The following PCDHGA10 variants were observed in gnomAD, a reference collection of about 807,000 sequenced individuals.
PCDHGA10 encodes protocadherin gamma subfamily A, 10.
A neutral mutation model predicts 59.5 loss-of-function variants in PCDHGA10; 42 were observed. That is an observed-to-expected ratio of 0.71 (90% CI 0.55 to 0.91). PCDHGA10 has a LOEUF of 0.91. Among genes scored for constraint, PCDHGA10 ranks in the 40% least tolerant of loss-of-function variants. PCDHGA10 has a pLI of 0.00. For missense variants in PCDHGA10, 1,111 were observed against 1,198.2 expected (o/e 0.93, Z 1.07); for synonymous variants, 511 against 517.2 (o/e 0.99, Z 0.16).
chr5:141,454,228 T>C (rs6896225), intron 1 of PCDHGA10, among the ~76,000 whole-genome samples: 1,935 of 152,208 alleles, frequency 0.013, 54 homozygotes, highest in African/African-American at 0.044. Flanking sequence ...AAAGTAATTG[T>C]GATGAAAAGG....
At position 141,423,166 on chromosome 5, in the gene PCDHGA10, G is replaced by A. The variant is rs367805855; in HGVS notation, c.2436+7555G>A. ...GCTCAAGCAGAGCCTCGTGGTGGCC[G>A]TCCAGGACCACGGCCAGCCCCCTCT... On this transcript the variant is annotated intron_variant, in intron 1 of 3. Transcript: ENST00000398610. 2.4e-5 allele frequency: 38 copies of A among 1,613,476 alleles called. No individual in the cohort carries two copies. The South Asian group carries it at 2.5e-4, about 11-fold the overall frequency.
chr5:141,476,798 C>T lies in PCDHGA10; in HGVS notation c.2437-18009C>T. 3.1e-6 allele frequency: 5 copies of T among 1,613,660 alleles called. No homozygotes were observed. The highest frequency in any genetic ancestry group is 4.2e-6 in the Non-Finnish European group (5 of 1,180,028). ...AGGGACCCCAGCTCTCTCCGCCAGC[C>T]TGCCTATTCACATCAAGGTGCTGGA... On this transcript the variant is annotated intron_variant, in intron 1 of 3. Coordinates refer to ENST00000398610, the MANE Select transcript of PCDHGA10 (RefSeq NM_018913.3). This position sits in a 1 kb window ranked among gnomAD's most constrained non-coding sequence, Gnocchi z 7.6.
Position 141,486,674 on chromosome 5 carries a change from G to A in PCDHGA10, c.2437-8133G>A. On this transcript the variant is annotated intron_variant, in intron 1 of 3. Transcript: ENST00000398610. This position sits in a 1 kb window ranked among gnomAD's most constrained non-coding sequence, Gnocchi z 5.0. ...CTCACTCCTGGAGCCCAGGAATCGA[G>A]ATGTATCAGCTTCCTCTTTCATCTC... The A allele has an allele frequency of 1.9e-6, 3 of 1,614,080 alleles. No individual in the cohort carries two copies. Among genetic ancestry groups the A allele is most frequent in the Non-Finnish European group, 2.5e-6 (3 of 1,180,036 alleles).
At chr5:141,449,876 C>T (rs924666805) in intron 1 of PCDHGA10, among the ~76,000 whole-genome samples, 1 of 151,724 alleles carries the variant, frequency 6.6e-6, no homozygotes, top group African/African-American at 2.4e-5. Context: ...AATTTAACAT[C>T]AATGCAATAT....
In PCDHGA10 at chr5:141,413,351, C is replaced by A. The variant is rs774333807; in HGVS notation, c.176C>A (p.Ala59Glu). The change falls in exon 1 of 4, where the codon GCG becomes GAG. Residue 59 changes from alanine to glutamate, a missense_variant. By Grantham distance (107) the Ala-to-Glu change is moderately radical. Transcript: ENST00000398610. ...AACATCTCCAAGGACTTGGGTCTGG[C>A]GCCCCGGGAGCTGGCGGAGCGCGGA... ...VGNISKDLGL[A>E]PRELAERGVR... The A allele has an allele frequency of 3.7e-6, 6 of 1,613,932 alleles. No homozygotes were observed. Among genetic ancestry groups the A allele is most frequent in the South Asian group, 1.1e-5 (1 of 91,088 alleles).
chr5:141,423,026 G>T (rs1333695085), intron 1 of PCDHGA10: 1 of 1,614,210 alleles, frequency 6.2e-7, no homozygotes, highest in Admixed American at 1.7e-5. Context: ...AAAGATTCAG[G>T]CCAGAACGCC....
intron 2 of PCDHGA10, among the ~76,000 whole-genome samples, chr5:141,497,661 T>A (rs1485909952): frequency 3.3e-5 from 5 of 151,062 alleles, no homozygotes; most frequent in African/African-American, 4.9e-5. Context: ...TGCCTCAGCC[T>A]CCCGAGTAGC....
rs1178101439 is a variant in PCDHGA10, at chr5:141,443,790, T to C, written c.2436+28179T>C. On this transcript the variant is annotated intron_variant, in intron 1 of 3. Coordinates refer to ENST00000398610, the MANE Select transcript of PCDHGA10 (RefSeq NM_018913.3). Reference sequence around the variant, plus strand: ...AATATTACCAAAAAGACAAAAAAAATGAAAAGGAAACAGTTACCTTTGGAA... The same window carrying C: ...AATATTACCAAAAAGACAAAAAAAACGAAAAGGAAACAGTTACCTTTGGAA... Among the ~76,000 whole-genome samples, 6 of 151,950 alleles carry C rather than the reference T, an allele frequency of 3.9e-5. No homozygotes were observed. The East Asian group carries it at 1.2e-3, about 29-fold the overall frequency.
At chr5:141,482,234 A>G (rs11748256) in intron 1 of PCDHGA10, among the ~76,000 whole-genome samples, 44,758 of 152,044 alleles carry the variant, frequency 0.29, 7,110 homozygotes, top group African/African-American at 0.42. Context: ...GAAATTGCCA[A>G]TATAAGTATA....
chr5:141,476,233 G>A lies in PCDHGA10; in HGVS notation c.2437-18574G>A, dbSNP rs1162067190. ...CGGTCATTCACTATGAGATCCCGGA[G>A]GAAAGAGAGAAGGGTTTCGCTGTGG... On this transcript the variant is annotated intron_variant, in intron 1 of 3. Coordinates refer to ENST00000398610, the MANE Select transcript of PCDHGA10 (RefSeq NM_018913.3). The surrounding 1 kb of genome is among the most constrained non-coding windows in gnomAD (Gnocchi z 7.6). The A allele has an allele frequency of 3.1e-6, 5 of 1,613,996 alleles. No homozygotes were observed. Among genetic ancestry groups the A allele is most frequent in the African/African-American group, 2.7e-5 (2 of 74,894 alleles).
rs746242389 is a variant in PCDHGA10 at position 141,491,254 on chromosome 5, G to C, written c.2437-3553G>C. 3 of 1,614,080 alleles carry C rather than the reference G, an allele frequency of 1.9e-6. No individual in the cohort carries two copies. In the African/African-American group the frequency reaches 4.0e-5, roughly 22 times the overall value. On this transcript the variant is annotated intron_variant, in intron 1 of 3. Transcript: ENST00000398610. This position sits in a 1 kb window ranked among gnomAD's most constrained non-coding sequence, Gnocchi z 6.9. ...GCTGGTTCTGGAGGATGAGGACCCT[G>C]AGGAAATGCCCAAATCCAGTGACTT...
At position 141,477,761 on chromosome 5, in the gene PCDHGA10, AC is replaced by A. The variant is rs754006143; in HGVS notation, c.2437-17044del. ...CGATGGGGGCACCCCGGTCCTAGCC[AC>A]CAACATCAGCGTGAACATATTTGTC... On this transcript the variant is annotated intron_variant, in intron 1 of 3. Coordinates refer to ENST00000398610, the MANE Select transcript of PCDHGA10 (RefSeq NM_018913.3). This position sits in a 1 kb window ranked among gnomAD's most constrained non-coding sequence, Gnocchi z 4.9. 5 of 1,613,854 alleles carry A rather than the reference AC, an allele frequency of 3.1e-6. No homozygotes were observed. Among genetic ancestry groups the A allele is most frequent in the Non-Finnish European group, 4.2e-6 (5 of 1,180,044 alleles).
chr5:141,474,970 A>G (rs1309289477), intron 1 of PCDHGA10, among the ~76,000 whole-genome samples: 4 of 152,212 alleles, frequency 2.6e-5, no homozygotes, highest in African/African-American at 9.6e-5. Context: ...TAATCATTAT[A>G]ATTTTGTTTG....
chr5:141,446,260 TA>T (rs1207497940), intron 1 of PCDHGA10, among the ~76,000 whole-genome samples: 4 of 152,130 alleles, frequency 2.6e-5, no homozygotes, highest in Non-Finnish European at 4.4e-5. Context: ...GAAATATTAT[TA>T]ACTGAATAAA....
intron 1 of PCDHGA10, among the ~76,000 whole-genome samples, chr5:141,454,222 T>C (rs1411974754): frequency 6.6e-6 from 1 of 152,118 alleles, no homozygotes; most frequent in African/African-American, 2.4e-5. Flanking sequence ...ATGAGAAAAG[T>C]AATTGTGATG....
chr5:141,433,221 A>G, intron 1 of PCDHGA10: 1 of 1,475,672 alleles, frequency 6.8e-7, no homozygotes, highest in African/African-American at 1.4e-5. Context: ...TTTTTTTTTT[A>G]ATTGCTCTGT....
intron 2 of PCDHGA10, among the ~76,000 whole-genome samples, 170 bp from the exon 3 acceptor site, chr5:141,505,223 A>G (rs746167057): frequency 1.9e-4 from 29 of 152,176 alleles, no homozygotes; most frequent in Admixed American, 6.5e-5. Flanking sequence ...GACTTGTGGG[A>G]TTCTGGCTTC....
At chr5:141,473,283 A>G (rs2099318531) in intron 1 of PCDHGA10, among the ~76,000 whole-genome samples, 1 of 152,324 alleles carries the variant, frequency 6.6e-6, no homozygotes, top group Non-Finnish European at 1.5e-5. Flanking sequence ...TTATTTTACT[A>G]TGTCAGTAGC....
chr5:141,430,881 A>G, intron 1 of PCDHGA10: 4 of 1,600,896 alleles, frequency 2.5e-6, no homozygotes, highest in Non-Finnish European at 3.4e-6. Flanking sequence ...GAGCTGGAGA[A>G]AGGCTCTAGG....
Sources: gnomAD v4.1 joint callset for allele counts (sites outside exome capture counted in the v4.1 genomes callset) on GRCh38, gnomAD v4.1.1 for gene constraint, Gnocchi (gnomAD v3.1) non-coding constraint, MANE v1.5 for transcripts, NCBI Gene and HGNC (gene_info 2026-07-23, HGNC 2026-07-21) for gene names.